KRT1: variants seen among roughly 807,000 people sequenced by gnomAD.
KRT1 encodes the protein keratin 1, also known as keratin, type II cytoskeletal 1.
Under a neutral mutation model 51.6 loss-of-function variants are expected in KRT1, and 28 were observed. The ratio of observed to expected loss-of-function variants is 0.54; its 90% CI spans 0.40 to 0.74. The LOEUF (loss-of-function observed/expected upper bound fraction) is 0.74. KRT1 is among the 30% of genes least tolerant of loss of function. The probability of loss-of-function intolerance (pLI) is 0.00; values close to 1 mark genes in which losing one functional copy is unlikely to be tolerated. For missense variants in KRT1, 783 were observed against 815.5 expected (o/e 0.96, Z 0.49); for synonymous variants, 301 against 307.7 (o/e 0.98, Z 0.23).
chr12:52,678,814 G>T (rs1941545937), intron 1 of KRT1, 58 bp from the exon 2 acceptor site: 1 of 1,462,674 alleles, frequency 6.8e-7, no homozygotes, highest in Non-Finnish European at 9.5e-7. Context: ...TAGCCATGGA[G>T]AACTGTGCCT....
chr12:52,674,826 G>A lies in KRT1; in HGVS notation c.*367C>T. On this transcript the variant is annotated 3_prime_UTR_variant, in exon 9 of 9. Transcript: ENST00000252244. ...GAAAAACAACTTGCTTACACCTTAT[G>A]TACAAAACCAAAACAGCACAGAGAT... The A allele has an allele frequency of 2.6e-6, 1 of 389,510 alleles. No homozygotes were observed. Among genetic ancestry groups the A allele is most frequent in the South Asian group, 2.7e-5 (1 of 36,488 alleles). The allele number at this position is 389,510 out of a possible 1,614,324, so 24.1% of individuals were successfully genotyped here. A position where few individuals can be genotyped will look rare whatever the true frequency, so the allele number is the denominator to read the frequency against.
intron 6 of KRT1, among the ~76,000 whole-genome samples, 200 bp from the exon 7 acceptor site, chr12:52,676,695 C>T (rs1317687139): frequency 1.3e-5 from 2 of 152,162 alleles, no homozygotes; most frequent in Non-Finnish European, 2.9e-5. Flanking sequence ...AACAGCCTCT[C>T]TTGGCCCTGA....
chr12:52,676,399 G>C lies in KRT1; in HGVS notation c.1351C>G (p.Leu451Val), dbSNP rs771675813. Residue 451 changes from leucine to valine, a missense_variant, in exon 7 of 9, where the codon CTG becomes GTG. Leu to Val is a conservative substitution (Grantham distance 32). Coordinates refer to ENST00000252244, the MANE Select transcript of KRT1 (RefSeq NM_006121.4). Reference sequence around the variant, plus strand: ...GCCAGGTCTTCCTTGGCCTGCTGCAGGGCATCCTCCAGGTCATTCAGCTTG... The same window carrying C: ...GCCAGGTCTTCCTTGGCCTGCTGCACGGCATCCTCCAGGTCATTCAGCTTG... Reference protein sequence around the residue: ...KNKLNDLEDALQQAKEDLARL... With the variant: ...KNKLNDLEDAVQQAKEDLARL... 1 of 1,614,188 alleles carries C rather than the reference G, an allele frequency of 6.2e-7. No homozygotes were observed. Among genetic ancestry groups the C allele is most frequent in the Non-Finnish European group, 8.5e-7 (1 of 1,180,014 alleles).
In KRT1 at chr12:52,675,603, G is replaced by C; in HGVS notation, c.1525C>G (p.His509Asp). 1 of 1,614,152 alleles carries C rather than the reference G, an allele frequency of 6.2e-7. No individual in the cohort carries two copies. Among genetic ancestry groups the C allele is most frequent in the Non-Finnish European group, 8.5e-7 (1 of 1,180,004 alleles). Residue 509 changes from histidine to aspartate, a missense_variant, in exon 9 of 9, where the codon CAC becomes GAC. Transcript: ENST00000252244. ...PNVSVSVSTSHTTISGGGSRG... is the reference protein window; with the variant it reads ...PNVSVSVSTSDTTISGGGSRG... ...CTGCCACCTCCACTGATGGTGGTGT[G>C]GCTTGTGCTCACAGCTGCAAGAGGA...
Position 52,677,055 on chromosome 12 carries a change from A to C in KRT1, c.1254+4T>G, listed in dbSNP as rs778049681. 24 of 1,612,832 alleles carry C rather than the reference A, an allele frequency of 1.5e-5. No homozygotes were observed. In the South Asian group the frequency reaches 2.5e-4, roughly 17 times the overall value. On this transcript the variant is annotated splice_donor_region_variant and intron_variant, in intron 6 of 8. Coordinates refer to ENST00000252244, the MANE Select transcript of KRT1 (RefSeq NM_006121.4). ...GCTGAGTGGTAGAAGGAGAAAGCAC[A>C]TACCTGCTTCTTGACATTGTCGATT...
chr12:52,676,595 A>G, intron 6 of KRT1, 100 bp from the exon 7 acceptor site: 3 of 1,196,202 alleles, frequency 2.5e-6, no homozygotes, highest in Non-Finnish European at 3.6e-6. Context: ...AATGAGTCCA[A>G]CAGAACCACT....
At position 52,680,095 on chromosome 12, in the gene KRT1, C is replaced by T. The variant is rs138041295; in HGVS notation, c.254G>A (p.Gly85Glu). Residue 85 changes from glycine (G) to glutamate (E), a missense_variant, in exon 1 of 9, where the codon GGA (glycine) becomes GAA (glutamate). Gly to Glu is a moderately conservative substitution (Grantham distance 98, BLOSUM62 -2). Transcript: ENST00000252244. Reference protein sequence around the residue: ...SISISVARGGGRGSGFGGGYG... With the variant: ...SISISVARGGERGSGFGGGYG... ...ACCACCACCAAAGCCACTACCACGT[C>T]CACCTCCTCTAGCCACACTTATGGA... The T allele has an allele frequency of 3.9e-6, 6 of 1,557,954 alleles. No individual in the cohort carries two copies. Among genetic ancestry groups the T allele is most frequent in the Non-Finnish European group, 5.2e-6 (6 of 1,150,776 alleles).
In KRT1 at chr12:52,675,584, C is replaced by A. The variant is rs772694214; in HGVS notation, c.1544G>T (p.Gly515Val). 1.9e-6 allele frequency: 3 copies of A among 1,614,106 alleles called. No individual in the cohort carries two copies. The African/African-American group carries it at 4.0e-5, about 22-fold the overall frequency. ...ACCGCCGCCACCTCCTCGGCTGCCA[C>A]CTCCACTGATGGTGGTGTGGCTTGT... The part of the protein sequence containing the change: ...VSTSHTTISG[G>V]GSRGGGGGGY... Residue 515 changes from glycine to valine, a missense_variant, in exon 9 of 9, where the codon GGT becomes GTT. Gly to Val is a moderately radical substitution (Grantham distance 109). Coordinates refer to ENST00000252244, the MANE Select transcript of KRT1 (RefSeq NM_006121.4).
At position 52,680,289 on chromosome 12, in the gene KRT1, G is replaced by C. The variant is rs1334297782; in HGVS notation, c.60C>G (p.Gly20=). The part of the protein sequence containing the change: ...GYRSGGGFSS[G]SAGIINYQRR... ...GCTGGTAGTTGATGATCCCAGCAGA[G>C]CCAGAGCTGAAGCCCCCTCCACTTC... The change falls in exon 1 of 9, where the codon GGC becomes GGG. Residue 20 remains glycine (G), a synonymous_variant. Coordinates refer to ENST00000252244, the MANE Select transcript of KRT1 (RefSeq NM_006121.4). The C allele has an allele frequency of 2.4e-5, 38 of 1,614,064 alleles. No homozygotes were observed. The highest frequency in any genetic ancestry group is 3.1e-5 in the Non-Finnish European group (37 of 1,180,026).
chr12:52,675,333 A>G lies in KRT1; in HGVS notation c.1795T>C (p.Ser599Pro). Residue 599 changes from serine to proline, a missense_variant, in exon 9 of 9, where the codon TCT becomes CCT. Physicochemically the swap from Ser to Pro is moderately conservative, Grantham distance 74 (BLOSUM62 -1). Coordinates refer to ENST00000252244, the MANE Select transcript of KRT1 (RefSeq NM_006121.4). ...CCGCCGCCAGAGCCCCGGCCGCCAG[A>G]GCTGCCGCCGCCGCCGCCTCCAGAG... ...GGSGGGGGGS[S>P]GGRGSGGGSS... The G allele has an allele frequency of 6.2e-7, 1 of 1,610,660 alleles. No homozygotes were observed. Among genetic ancestry groups the G allele is most frequent in the Admixed American group, 1.7e-5 (1 of 59,958 alleles).
At chr12:52,677,563 G>A (rs1452259615) in intron 4 of KRT1, 83 bp from the exon 5 acceptor site, 2 of 1,604,696 alleles carry the variant, frequency 1.2e-6, no homozygotes, top group Non-Finnish European at 1.7e-6. Flanking sequence ...GAAAATAAAA[G>A]ATAAATATCT....
Position 52,678,654 on chromosome 12 carries a change from C to T in KRT1, c.694G>A (p.Glu232Lys), listed in dbSNP as rs1363658244. 6.2e-7 allele frequency: 1 copy of T among 1,614,188 alleles called. No homozygotes were observed. The highest frequency in any genetic ancestry group is 1.7e-5 in the Admixed American group (1 of 60,034). Residue 232 changes from glutamate (E) to lysine (K), a missense_variant, in exon 2 of 9, where the codon GAG becomes AAG. Coordinates refer to ENST00000252244, the MANE Select transcript of KRT1 (RefSeq NM_006121.4). ...TRTHNLEPYF[E>K]SFINNLRRRV... ...CTTCGGAGATTGTTGATGAATGACTCAAAGTAGGGCTCTAAATTATGGGTT... is the reference window on the plus strand; with the variant it reads ...CTTCGGAGATTGTTGATGAATGACTTAAAGTAGGGCTCTAAATTATGGGTT...
chr12:52,678,392 T>G (rs1941540910), intron 2 of KRT1, 150 bp downstream of exon 2: 2 of 1,039,632 alleles, frequency 1.9e-6, no homozygotes, highest in African/African-American at 1.6e-5. Flanking sequence ...TTCCATCTCC[T>G]GAGAAAATGA....
In KRT1 at chr12:52,677,360, C is replaced by T. The variant is rs756951677; in HGVS notation, c.1084G>A (p.Ala362Thr). Residue 362 changes from alanine (A) to threonine (T), a missense_variant, in exon 5 of 9, where the codon GCC becomes ACC. Coordinates refer to ENST00000252244, the MANE Select transcript of KRT1 (RefSeq NM_006121.4). ...TCGGCCTCAGCTTTGCTCTTCTGGG[C>T]TATATCCTCGTACTGGGCCTTGACC... ...AEVKAQYEDI[A>T]QKSKAEAESL... 44 of 1,614,114 alleles carry T rather than the reference C, an allele frequency of 2.7e-5. No homozygotes were observed. Among genetic ancestry groups the T allele is most frequent in the Non-Finnish European group, 3.6e-5 (43 of 1,180,058 alleles).
rs771587972 is a variant in KRT1 at position 52,678,597 on chromosome 12, G to A, written c.751C>T (p.Arg251Trp). Residue 251 changes from arginine (R) to tryptophan (W), a missense_variant, in exon 2 of 9, where the codon CGG (arginine) becomes TGG (tryptophan). Coordinates refer to ENST00000252244, the MANE Select transcript of KRT1 (RefSeq NM_006121.4). Reference protein sequence around the residue: ...RVDQLKSDQSRLDSELKNMQD... With the variant: ...RVDQLKSDQSWLDSELKNMQD... Reference sequence around the variant, plus strand: ...ATGTTCTTCAGTTCCGAATCCAACCGAGATTGATCACTCTTCAGTTGGTCC... The same window carrying A: ...ATGTTCTTCAGTTCCGAATCCAACCAAGATTGATCACTCTTCAGTTGGTCC... The A allele has an allele frequency of 3.3e-5, 54 of 1,614,076 alleles. No homozygotes were observed. Among genetic ancestry groups the A allele is most frequent in the Non-Finnish European group, 4.4e-5 (52 of 1,180,046 alleles).
chr12:52,676,203 C>G, intron 7 of KRT1, 72 bp downstream of exon 7: 2 of 1,290,520 alleles, frequency 1.5e-6, no homozygotes, highest in Non-Finnish European at 2.2e-6. Context: ...ATGGCTGCAT[C>G]TTCAACAACA....
chr12:52,679,421 T>G (rs1282730479), intron 1 of KRT1, among the ~76,000 whole-genome samples: 1 of 152,192 alleles, frequency 6.6e-6, no homozygotes, highest in Non-Finnish European at 1.5e-5. Flanking sequence ...TCCAGGGTTC[T>G]CACTTGCACC....
chr12:52,677,214 G>A (rs780692791), intron 5 of KRT1, 30 bp from the exon 6 acceptor site: 3 of 1,614,164 alleles, frequency 1.9e-6, no homozygotes, highest in Non-Finnish European at 2.5e-6. Context: ...TTTGTTAAAT[G>A]TAGGCAGAAC....
At position 52,679,942 on chromosome 12, in the gene KRT1, C is replaced by T. The variant is rs536619673; in HGVS notation, c.407G>A (p.Gly136Asp). The stretch of plus-strand genomic sequence containing the variant: ...ACCATAACCACCCCCATATCCACCA[C>T]CCCCAAAGCCACCTCCACCAAAACC... Reference protein sequence around the residue: ...GGGFGGGGFGGGGYGGGYGPV... With the variant: ...GGGFGGGGFGDGGYGGGYGPV... The change falls in exon 1 of 9, where the codon GGT becomes GAT. Residue 136 changes from glycine (G) to aspartate (D), a missense_variant. Physicochemically the swap from Gly to Asp is moderately conservative, Grantham distance 94 (BLOSUM62 -1). Coordinates refer to ENST00000252244, the MANE Select transcript of KRT1 (RefSeq NM_006121.4). 2.5e-6 allele frequency: 4 copies of T among 1,613,618 alleles called. No homozygotes were observed. The East Asian group carries it at 6.7e-5, about 27-fold the overall frequency.
Sources: allele counts gnomAD v4.1 joint callset (sites outside exome capture counted in the v4.1 genomes callset), GRCh38; gene constraint gnomAD v4.1.1; transcripts MANE v1.5; gene names NCBI Gene and HGNC (gene_info 2026-07-23, HGNC 2026-07-21).